RANBP2: variants seen among roughly 807,000 people sequenced by gnomAD.
RANBP2 encodes the protein E3 SUMO-protein ligase RanBP2.
In RANBP2, 57 loss-of-function variants were observed where a neutral mutation model predicts 303.6. That is an observed-to-expected ratio of 0.19 (90% CI 0.15 to 0.23). The LOEUF is 0.23. RANBP2 is among the 10% of genes least tolerant of loss of function. The probability of loss-of-function intolerance (pLI) is 1.00; values close to 1 mark genes in which losing one functional copy is unlikely to be tolerated. For missense variants in RANBP2, 3,138 were observed against 3,780.8 expected (o/e 0.83, Z 4.46); for synonymous variants, 1,167 against 1,301.5 (o/e 0.90, Z 2.23).
chr2:108,873,556 T>C, the RANBP2 span: 1 of 1,610,046 alleles, frequency 6.2e-7, no homozygotes, highest in Non-Finnish European at 8.5e-7. Context: ...CTAGAAAAAC[T>C]CAGTATTATT....
At chr2:109,428,388 A>G in the RANBP2 span, among the ~76,000 whole-genome samples, 1 of 152,232 alleles carries the variant, frequency 6.6e-6, no homozygotes, top group Non-Finnish European at 1.5e-5. Flanking sequence ...GGGTAAGCGA[A>G]GGCTGTGCTG....
the RANBP2 span, among the ~76,000 whole-genome samples, chr2:109,511,627 C>A: frequency 6.6e-6 from 1 of 152,226 alleles, no homozygotes; most frequent in Non-Finnish European, 1.5e-5. Flanking sequence ...GGGAGGGGCA[C>A]AAGCCCTGGG....
chr2:109,351,246 GGGGCT>G, the RANBP2 span, among the ~76,000 whole-genome samples: 5 of 152,194 alleles, frequency 3.3e-5, no homozygotes, highest in African/African-American at 1.2e-4. Context: ...TCACCCGGGA[GGGGCT>G]GGCCTTGGCA....
the RANBP2 span, among the ~76,000 whole-genome samples, chr2:108,921,745 G>A: frequency 7.2e-5 from 11 of 152,232 alleles, no homozygotes; most frequent in African/African-American, 2.7e-4. Flanking sequence ...CATTCACACC[G>A]AGGCCCTAAC....
At chr2:108,828,786 G>T in the RANBP2 span, among the ~76,000 whole-genome samples, 1 of 152,060 alleles carries the variant, frequency 6.6e-6, no homozygotes, top group Non-Finnish European at 1.5e-5. Flanking sequence ...AGACCAGCCT[G>T]GCCAACATAG....
At chr2:109,398,750 G>T in the RANBP2 span, 1 of 1,613,572 alleles carries the variant, frequency 6.2e-7, no homozygotes, top group South Asian at 1.1e-5. Context: ...TTTCAGCGGC[G>T]TGTGGATGGC....
At chr2:109,078,098 A>ATATATATATATATATATATATATATGGCG in the RANBP2 span, among the ~76,000 whole-genome samples, 1 of 60,068 alleles carries the variant, frequency 1.7e-5, no homozygotes, top group African/African-American at 8.6e-5. Flanking sequence ...ATATATATAT[A>ATATATATATATATATATATATATATGGCG]TATATATATA....
the RANBP2 span, among the ~76,000 whole-genome samples, chr2:108,833,308 G>A: frequency 6.6e-6 from 1 of 152,238 alleles, no homozygotes; most frequent in Non-Finnish European, 1.5e-5. Context: ...TGGTAAAGAT[G>A]TTAATAATGG....
chr2:109,129,097 C>A, the RANBP2 span: 1 of 371,214 alleles, frequency 2.7e-6, no homozygotes, highest in South Asian at 1.9e-5. Flanking sequence ...GGCTCGCCAG[C>A]TGCGCGGAGG....
chr2:109,426,492 C>A, the RANBP2 span, among the ~76,000 whole-genome samples: 1 of 152,134 alleles, frequency 6.6e-6, no homozygotes, highest in East Asian at 1.9e-4. Context: ...GAAATTGAAC[C>A]TGAAGATGTA....
At chr2:109,419,860 G>A in the RANBP2 span, among the ~76,000 whole-genome samples, 1 of 152,232 alleles carries the variant, frequency 6.6e-6, no homozygotes, top group Non-Finnish European at 1.5e-5. Context: ...TTTCTTCTAA[G>A]CAGGGAGGAT....
chr2:109,715,569 A>G, the RANBP2 span, among the ~76,000 whole-genome samples: 9 of 151,806 alleles, frequency 5.9e-5, no homozygotes, highest in South Asian at 1.2e-3. Context: ...CCTGGAAGCC[A>G]CTCTCCCAGC....
chr2:108,962,706 G>GAT, the RANBP2 span, among the ~76,000 whole-genome samples: 2 of 133,712 alleles, frequency 1.5e-5, no homozygotes, highest in African/African-American at 2.7e-5. Flanking sequence ...AAAAAAGAGA[G>GAT]AAAGGAATGC....
At chr2:109,285,998 A>G in the RANBP2 span, among the ~76,000 whole-genome samples, 1 of 152,212 alleles carries the variant, frequency 6.6e-6, no homozygotes, top group Non-Finnish European at 1.5e-5. Flanking sequence ...AGGATAAGCC[A>G]GGACACATCA....
chr2:108,942,815 A>C, the RANBP2 span, among the ~76,000 whole-genome samples: 1 of 152,246 alleles, frequency 6.6e-6, no homozygotes, highest in Non-Finnish European at 1.5e-5. Flanking sequence ...AAGAAAACTC[A>C]ACAGCAGCAA....
chr2:109,614,193 C>T, the RANBP2 span: 13 of 1,133,110 alleles, frequency 1.1e-5, no homozygotes, highest in Non-Finnish European at 1.3e-5. Context: ...GCGGCCCTCG[C>T]GAGGCCGGAA....
At chr2:108,841,313 T>C in the RANBP2 span, among the ~76,000 whole-genome samples, 1 of 152,214 alleles carries the variant, frequency 6.6e-6, no homozygotes, top group African/African-American at 2.4e-5. Context: ...TCTATATCCT[T>C]GCTGATACTT....
rs1678438049 is a variant in RANBP2 at position 108,783,980 on chromosome 2, T to A, written c.*79T>A. On this transcript the variant is annotated 3_prime_UTR_variant, in exon 29 of 29. Coordinates refer to ENST00000283195, the MANE Select transcript of RANBP2 (RefSeq NM_006267.5). ...TAGCTATTACAATTTGATAGTTATG[T>A]TCAGCTTTTGAAAATGGACGTTTCC... 1 of 1,377,088 alleles carries A rather than the reference T, an allele frequency of 7.3e-7. No homozygotes were observed. The highest frequency in any genetic ancestry group is 1.3e-5 in the South Asian group (1 of 78,436). 85.3% of individuals were successfully genotyped at this position (1,377,088 alleles called of 1,614,324 possible).
chr2:109,199,587 T>TC, the RANBP2 span, among the ~76,000 whole-genome samples: 3 of 970 alleles, frequency 3.1e-3, no homozygotes, highest in African/African-American at 6.2e-3. Flanking sequence ...TGGAATGGAA[T>TC]GGAATGGAAT....
Sources: allele counts gnomAD v4.1 joint callset (sites outside exome capture counted in the v4.1 genomes callset), GRCh38; gene constraint gnomAD v4.1.1; transcripts MANE v1.5; gene names NCBI Gene and HGNC (gene_info 2026-07-23, HGNC 2026-07-21).